EBF3: variants seen among roughly 807,000 people sequenced by gnomAD.
EBF3 encodes EBF transcription factor 3.
In EBF3, 18 loss-of-function variants were observed where a neutral mutation model predicts 77.1. The ratio of observed to expected loss-of-function variants is 0.23; its 90% CI spans 0.16 to 0.35. The LOEUF is 0.35. EBF3 is among the 10% of genes least tolerant of loss of function. The pLI is 1.00. For missense variants in EBF3, 558 were observed against 860.0 expected (o/e 0.65, Z 4.39); for synonymous variants, 350 against 343.5 (o/e 1.02, Z -0.21).
intron 6 of EBF3, among the ~76,000 whole-genome samples, chr10:129,906,910 C>T (rs531988376): frequency 6.6e-6 from 1 of 152,298 alleles, no homozygotes; most frequent in African/African-American, 2.4e-5. Flanking sequence ...TTCTCTCCCA[C>T]CAGCTGGGGT....
chr10:129,911,634 G>T (rs1247932868), intron 6 of EBF3, among the ~76,000 whole-genome samples: 1 of 152,210 alleles, frequency 6.6e-6, no homozygotes, highest in East Asian at 1.9e-4. Flanking sequence ...GTGAGGAGGG[G>T]CTGGGGGCTG....
At chr10:129,899,329 C>T (rs1217703836) in intron 6 of EBF3, among the ~76,000 whole-genome samples, 2 of 152,172 alleles carry the variant, frequency 1.3e-5, no homozygotes, top group African/African-American at 4.8e-5. Context: ...TTTCTTGATG[C>T]CAGCAGAGTG....
chr10:129,915,931 T>C (rs1385716242), intron 6 of EBF3, among the ~76,000 whole-genome samples: 1 of 152,108 alleles, frequency 6.6e-6, no homozygotes, highest in Non-Finnish European at 1.5e-5. Context: ...CACTGCCTCA[T>C]GCCCAAACCA....
chr10:129,844,408 G>A (rs1370554372), intron 11 of EBF3, among the ~76,000 whole-genome samples: 2 of 152,160 alleles, frequency 1.3e-5, no homozygotes, highest in Non-Finnish European at 2.9e-5. Context: ...TATGATTTCT[G>A]CAGATTCACA....
intron 6 of EBF3, among the ~76,000 whole-genome samples, chr10:129,905,693 C>T (rs558690276): frequency 6.6e-6 from 1 of 152,252 alleles, no homozygotes; most frequent in Admixed American, 6.5e-5. Context: ...CAGCGAGAAC[C>T]GCAGCATCAG....
chr10:129,930,135 G>A (rs987269481), intron 6 of EBF3, among the ~76,000 whole-genome samples: 2 of 152,162 alleles, frequency 1.3e-5, no homozygotes, highest in African/African-American at 2.4e-5. Context: ...CAGCAGTCCC[G>A]TAGGTGCTCA....
At position 129,962,327 on chromosome 10, in the gene EBF3, G is replaced by A; in HGVS notation, c.356-101C>T. On this transcript the variant is annotated intron_variant, in intron 3 of 16. Coordinates refer to ENST00000440978, the MANE Select transcript of EBF3 (RefSeq NM_001375380.1). ...GTCTGTAACTCAGGACTGCTGCCAC[G>A]GTGATGCAGCAGAACTTAGGCAATC... 3 of 1,025,232 alleles carry A rather than the reference G, an allele frequency of 2.9e-6. 1 individual carries two copies. The highest frequency in any genetic ancestry group is 3.6e-5 in the Admixed American group (2 of 56,190). The allele number at this position is 1,025,232 out of a possible 1,614,324, so 63.5% of individuals were successfully genotyped here. A position where few individuals can be genotyped will look rare whatever the true frequency, so the allele number is the denominator to read the frequency against.
rs1284360923 is a variant in EBF3 at position 129,870,537 on chromosome 10, C to T, written c.782-2625G>A. ...CAGGGTCCAGAGAAAGGAGGCGTGG[C>T]GAGTCTCCCCTGCGGATCTGACATG... On this transcript the variant is annotated intron_variant, in intron 8 of 16. Transcript: ENST00000440978. This position sits in a 1 kb window ranked among gnomAD's most constrained non-coding sequence, Gnocchi z 4.4. Among the ~76,000 whole-genome samples, 1 of 152,104 alleles carries T rather than the reference C, an allele frequency of 6.6e-6. No individual in the cohort carries two copies. Among genetic ancestry groups the T allele is most frequent in the Non-Finnish European group, 1.5e-5 (1 of 68,014 alleles).
intron 6 of EBF3, among the ~76,000 whole-genome samples, chr10:129,905,076 G>T (rs1441259123): frequency 6.6e-6 from 1 of 152,268 alleles, no homozygotes; most frequent in African/African-American, 2.4e-5. Flanking sequence ...CCTCTAGGGT[G>T]AGGTGACTCT....
chr10:129,882,911 C>T (rs1257502221), intron 6 of EBF3, among the ~76,000 whole-genome samples: 1 of 152,216 alleles, frequency 6.6e-6, no homozygotes, highest in Non-Finnish European at 1.5e-5. Context: ...ACTGAAGCCA[C>T]TAATCATGCA....
chr10:129,958,523 G>A (rs186565136), intron 5 of EBF3, among the ~76,000 whole-genome samples: 13 of 152,242 alleles, frequency 8.5e-5, no homozygotes, highest in African/African-American at 2.9e-4. Flanking sequence ...ATACACGCGC[G>A]CTATAGTAAG....
At chr10:129,891,612 A>G (rs551281876) in intron 6 of EBF3, among the ~76,000 whole-genome samples, 9 of 152,328 alleles carry the variant, frequency 5.9e-5, no homozygotes, top group South Asian at 4.1e-4. Flanking sequence ...ACTATCTGCA[A>G]TTAGCTCTGA....
chr10:129,904,751 T>C (rs1409030283), intron 6 of EBF3, among the ~76,000 whole-genome samples: 9 of 152,136 alleles, frequency 5.9e-5, no homozygotes, highest in Non-Finnish European at 8.8e-5. Context: ...CATCCATCCA[T>C]CCACCCTTTA....
Position 129,938,120 on chromosome 10 carries a change from G to A in EBF3, c.554+19138C>T, listed in dbSNP as rs1464157823. On this transcript the variant is annotated intron_variant, in intron 6 of 16. Transcript: ENST00000440978. The surrounding 1 kb of genome is among the most constrained non-coding windows in gnomAD (Gnocchi z 5.1). ...CCATGTCCTTCAGCAGCACCTGGCA[G>A]GAGACTCTCTTCTGCTCCTGCTGAG... Among the ~76,000 whole-genome samples, 3 of 152,190 alleles carry A rather than the reference G, an allele frequency of 2.0e-5. No individual in the cohort carries two copies. The East Asian group carries it at 5.8e-4, about 29-fold the overall frequency.
At position 129,963,334 on chromosome 10, in the gene EBF3, A is replaced by G; in HGVS notation, c.291+33T>C. Reference sequence around the variant, plus strand: ...CACCGCCTGCCTCCCGCTTCTAGAAAGAGAGAGGGTGTGATCGTGTGTTTG... The same window carrying G: ...CACCGCCTGCCTCCCGCTTCTAGAAGGAGAGAGGGTGTGATCGTGTGTTTG... On this transcript the variant is annotated intron_variant, in intron 2 of 16. Coordinates refer to ENST00000440978, the MANE Select transcript of EBF3 (RefSeq NM_001375380.1). The surrounding 1 kb of genome is among the most constrained non-coding windows in gnomAD (Gnocchi z 7.1). The G allele has an allele frequency of 6.4e-7, 1 of 1,556,672 alleles. No homozygotes were observed. Among genetic ancestry groups the G allele is most frequent in the Non-Finnish European group, 8.7e-7 (1 of 1,153,768 alleles).
rs767465668 is a variant in EBF3 at position 129,841,077 on chromosome 10, G to A, written c.1373-45C>T. The A allele has an allele frequency of 6.1e-5, 98 of 1,594,866 alleles. No homozygotes were observed. The highest frequency in any genetic ancestry group is 8.1e-5 in the Non-Finnish European group (95 of 1,171,958). On this transcript the variant is annotated intron_variant, in intron 13 of 16. Transcript: ENST00000440978. The surrounding 1 kb of genome is among the most constrained non-coding windows in gnomAD (Gnocchi z 4.6). ...GGCCAAAAATAACATTATTATCAGC[G>A]ACAGACACTTGGGGGGGGTTCCCCG...
At chr10:129,924,446 C>CAA (rs1433963607) in intron 6 of EBF3, among the ~76,000 whole-genome samples, 3 of 123,398 alleles carry the variant, frequency 2.4e-5, no homozygotes, top group African/African-American at 6.2e-5. Flanking sequence ...AAAAAAAAAA[C>CAA]AAAAAACAAA....
In EBF3 at chr10:129,850,168, C is replaced by T. The variant is rs190047959; in HGVS notation, c.1040-1688G>A. On this transcript the variant is annotated intron_variant, in intron 10 of 16. Transcript: ENST00000440978. The stretch of plus-strand genomic sequence containing the variant: ...CTAACGTGTCAGGTTTCTCCTCTCC[C>T]CCAGCTAATCACCATGACTGTTTGA... Among the ~76,000 whole-genome samples, 134 of 152,374 alleles carry T rather than the reference C, an allele frequency of 8.8e-4. 1 individual carries two copies. The highest frequency in any genetic ancestry group is 1.6e-3 in the Non-Finnish European group (112 of 68,034).
chr10:129,836,648 C>A lies in EBF3; in HGVS notation c.*1295G>T, dbSNP rs1397431092. On this transcript the variant is annotated 3_prime_UTR_variant, in exon 17 of 17. Transcript: ENST00000440978. ...AAACAATAGCATATTTTTTGAAGTACAAATGAAATGTAAAGACACTGGTTC... is the reference window on the plus strand; with the variant it reads ...AAACAATAGCATATTTTTTGAAGTAAAAATGAAATGTAAAGACACTGGTTC... 2.0e-5 allele frequency: 3 copies of A among 147,254 alleles called. No individual in the cohort carries two copies. Among genetic ancestry groups the A allele is most frequent in the East Asian group, 2.0e-4 (1 of 5,058 alleles). The allele number at this position is 147,254 out of a possible 1,614,324, so 9.1% of individuals were successfully genotyped here.
Sources: allele counts gnomAD v4.1 joint callset (sites outside exome capture counted in the v4.1 genomes callset), GRCh38; gene constraint gnomAD v4.1.1; non-coding constraint Gnocchi (gnomAD v3.1); transcripts MANE v1.5; gene names NCBI Gene and HGNC (gene_info 2026-07-23, HGNC 2026-07-21).